ZFHX3: variants seen among roughly 807,000 people sequenced by gnomAD.
ZFHX3 encodes zinc finger homeobox protein 3.
ZFHX3 carries 42 observed loss-of-function variants against 279.1 expected under a neutral mutation model. The ratio of observed to expected loss-of-function variants is 0.15; its 90% confidence interval spans 0.12 to 0.19. The LOEUF (loss-of-function observed/expected upper bound fraction) is 0.19. Ranked by LOEUF, ZFHX3 falls within the 10% of genes least tolerant of loss-of-function variation. The pLI is 1.00. For missense variants in ZFHX3, 4,981 were observed against 4,754.0 expected (o/e 1.05, Z -1.40); for synonymous variants, 2,293 against 1,957.8 (o/e 1.17, Z -4.52).
intron 7 of ZFHX3, among the ~76,000 whole-genome samples, chr16:72,802,216 GA>G (rs1248579431): frequency 6.6e-6 from 1 of 151,808 alleles, no homozygotes; most frequent in Non-Finnish European, 1.5e-5. Context: ...AATAATAATG[GA>G]AAAGAGAGAC....
intron 7 of ZFHX3, among the ~76,000 whole-genome samples, chr16:73,102,552 T>G (rs1966245394): frequency 6.6e-6 from 1 of 152,188 alleles, no homozygotes; most frequent in South Asian, 2.1e-4. Flanking sequence ...GATGTGTGTA[T>G]AGATTTTTGA....
At chr16:73,224,836 A>T (rs2012543601) in intron 5 of ZFHX3, among the ~76,000 whole-genome samples, 1 of 152,160 alleles carries the variant, frequency 6.6e-6, no homozygotes, top group Non-Finnish European at 1.5e-5. Context: ...ACTACCTTCC[A>T]CGATCTTCTG....
chr16:73,802,691 C>G (rs1960177437), intron 1 of ZFHX3, among the ~76,000 whole-genome samples: 1 of 152,002 alleles, frequency 6.6e-6, no homozygotes, highest in African/African-American at 2.4e-5. Context: ...TGATGGACAC[C>G]AGAACTAAAG....
intron 1 of ZFHX3, among the ~76,000 whole-genome samples, chr16:73,740,107 G>A (rs144398335): frequency 1.3e-5 from 2 of 152,226 alleles, no homozygotes; most frequent in Non-Finnish European, 2.9e-5. Context: ...AGGTAGCACT[G>A]TAATTTAATT....
At chr16:72,962,807 T>A (rs996338799) in intron 1 of ZFHX3, among the ~76,000 whole-genome samples, 1 of 152,036 alleles carries the variant, frequency 6.6e-6, no homozygotes, top group Non-Finnish European at 1.5e-5. Flanking sequence ...GTACCTGTAT[T>A]GCTAGGTAAC....
chr16:73,258,713 G>C (rs2013733152), intron 4 of ZFHX3, among the ~76,000 whole-genome samples: 1 of 152,122 alleles, frequency 6.6e-6, no homozygotes, highest in Admixed American at 6.6e-5. Flanking sequence ...TATATATTTA[G>C]AACTCCATTT....
At chr16:73,398,006 G>C (rs771463738) in intron 3 of ZFHX3, among the ~76,000 whole-genome samples, 1 of 151,996 alleles carries the variant, frequency 6.6e-6, no homozygotes, top group Non-Finnish European at 1.5e-5. Flanking sequence ...CACCATGCCC[G>C]GCTAATTTTT....
chr16:73,082,124 A>G (rs1448199305), intron 8 of ZFHX3, among the ~76,000 whole-genome samples: 1 of 152,080 alleles, frequency 6.6e-6, no homozygotes, highest in Non-Finnish European at 1.5e-5. Flanking sequence ...GGTGTGAGCC[A>G]CCGCATCCAG....
At chr16:72,788,953 G>A in intron 9 of ZFHX3, 105 bp from the exon 10 acceptor site, 1 of 1,454,654 alleles carries the variant, frequency 6.9e-7, no homozygotes, top group Non-Finnish European at 9.1e-7. Context: ...AGATGTCAAG[G>A]CTTGAAGGAT....
chr16:73,234,400 C>G (rs2012878759), intron 5 of ZFHX3, among the ~76,000 whole-genome samples: 1 of 152,200 alleles, frequency 6.6e-6, no homozygotes, highest in African/African-American at 2.4e-5. Flanking sequence ...TGTCCCCTGT[C>G]AGATCCTTTT....
chr16:73,325,928 A>AACACAC (rs140609871), intron 3 of ZFHX3, among the ~76,000 whole-genome samples: 2 of 145,492 alleles, frequency 1.4e-5, no homozygotes, highest in African/African-American at 5.0e-5. Flanking sequence ...CACACACACA[A>AACACAC]ACACACACAC....
intron 1 of ZFHX3, among the ~76,000 whole-genome samples, chr16:73,837,138 C>A (rs1961164445): frequency 1.3e-5 from 2 of 152,166 alleles, no homozygotes; most frequent in Non-Finnish European, 1.5e-5. Context: ...CAAGATGGAG[C>A]TTCTGACAAA....
intron 1 of ZFHX3, among the ~76,000 whole-genome samples, chr16:73,763,143 G>T (rs1373166440): frequency 6.6e-6 from 1 of 152,050 alleles, no homozygotes; most frequent in Admixed American, 6.6e-5. Context: ...CAAACTAGGA[G>T]TCTTCAGTGT....
intron 4 of ZFHX3, among the ~76,000 whole-genome samples, chr16:72,836,777 G>A (rs1480727775): frequency 6.6e-6 from 1 of 152,168 alleles, no homozygotes; most frequent in East Asian, 1.9e-4. Context: ...CAGCACTGAT[G>A]AGTGGGACAT....
At chr16:73,152,726 T>A (rs1251289487) in intron 5 of ZFHX3, among the ~76,000 whole-genome samples, 47 of 92,482 alleles carry the variant, frequency 5.1e-4, no homozygotes, top group Middle Eastern at 9.1e-3. Flanking sequence ...TATAGGAAAA[T>A]GAAAAGAGAG....
chr16:73,166,622 T>A (rs998534640), intron 5 of ZFHX3, among the ~76,000 whole-genome samples: 1 of 152,144 alleles, frequency 6.6e-6, no homozygotes, highest in East Asian at 1.9e-4. Flanking sequence ...GTTACCCTTG[T>A]CAGGTTAATT....
chr16:73,286,183 A>G (rs113870263), intron 4 of ZFHX3, among the ~76,000 whole-genome samples: 1 of 151,844 alleles, frequency 6.6e-6, no homozygotes, highest in Non-Finnish European at 1.5e-5. Context: ...TCTCACACAC[A>G]CATGCCCCTC....
At chr16:73,586,214 C>T (rs2051924348) in intron 2 of ZFHX3, among the ~76,000 whole-genome samples, 1 of 151,584 alleles carries the variant, frequency 6.6e-6, no homozygotes, top group Admixed American at 6.6e-5. Flanking sequence ...CATGGTGAAA[C>T]CCCGTCTCTG....
At chr16:73,078,683 C>T (rs1363743638) in intron 8 of ZFHX3, among the ~76,000 whole-genome samples, 1 of 151,618 alleles carries the variant, frequency 6.6e-6, no homozygotes, top group African/African-American at 2.4e-5. Flanking sequence ...CTTGCTCTGT[C>T]GCCCAGGCTG....
Sources: allele counts gnomAD v4.1 joint callset (sites outside exome capture counted in the v4.1 genomes callset), GRCh38; gene constraint gnomAD v4.1.1; transcripts MANE v1.5; gene names NCBI Gene and HGNC (gene_info 2026-07-23, HGNC 2026-07-21).